The following ANGPT2 variants were observed in gnomAD, a reference collection of about 807,000 sequenced individuals.
The protein encoded by ANGPT2 is angiopoietin 2, also known as angiopoietin-2.
In ANGPT2, 28 loss-of-function variants were observed where a neutral mutation model predicts 62.9. The ratio of observed to expected loss-of-function variants is 0.44; its 90% CI spans 0.33 to 0.61. ANGPT2 has a LOEUF of 0.61. Among genes scored for constraint, ANGPT2 ranks in the 20% least tolerant of loss-of-function variants. The pLI is 0.03. For synonymous variants in ANGPT2, 284 were observed against 207.8 expected (o/e 1.37, Z -3.15); for missense variants, 727 against 594.9 (o/e 1.22, Z -2.31).
At chr8:6,547,650 C>G (rs1374436446) in intron 1 of ANGPT2, among the ~76,000 whole-genome samples, 1 of 152,018 alleles carries the variant, frequency 6.6e-6, no homozygotes. Context: ...CAGTGAGTGC[C>G]TTTGAGTGAC....
chr8:6,535,941 C>G (rs780709820), intron 1 of ANGPT2, among the ~76,000 whole-genome samples: 1 of 151,702 alleles, frequency 6.6e-6, no homozygotes, highest in Non-Finnish European at 1.5e-5. Context: ...CCTGTAGTCT[C>G]AGGTACTGGG....
chr8:6,514,549 G>A (rs1201449809), intron 6 of ANGPT2, 128 bp downstream of exon 6: 22 of 795,036 alleles, frequency 2.8e-5, no homozygotes, highest in Non-Finnish European at 4.6e-5. Flanking sequence ...GGAGACTGAA[G>A]CACCAATTTT....
At chr8:6,523,250 G>C (rs1395588655) in intron 3 of ANGPT2, among the ~76,000 whole-genome samples, 1 of 152,204 alleles carries the variant, frequency 6.6e-6, no homozygotes, top group South Asian at 2.1e-4. Flanking sequence ...GCCCGCCCCT[G>C]CCTCCCAAAG....
chr8:6,541,382 A>G (rs969467340), intron 1 of ANGPT2, among the ~76,000 whole-genome samples: 10 of 152,188 alleles, frequency 6.6e-5, no homozygotes, highest in African/African-American at 2.4e-5. Flanking sequence ...GCTTGTATTT[A>G]TAGCCCCCAG....
intron 8 of ANGPT2, 98 bp downstream of exon 8, chr8:6,508,834 T>C (rs1423522421): frequency 6.6e-7 from 1 of 1,525,586 alleles, no homozygotes; most frequent in Admixed American, 1.7e-5. Flanking sequence ...ATTGTGGACA[T>C]CGTTACAAAT....
chr8:6,504,145 C>G (rs199794373), intron 8 of ANGPT2, among the ~76,000 whole-genome samples: 1 of 151,784 alleles, frequency 6.6e-6, no homozygotes, highest in Non-Finnish European at 1.5e-5. Context: ...GGTGAAACCC[C>G]GTCTCTACTA....
At chr8:6,546,203 AC>A (rs1297052351) in intron 1 of ANGPT2, among the ~76,000 whole-genome samples, 1 of 152,224 alleles carries the variant, frequency 6.6e-6, no homozygotes, top group Non-Finnish European at 1.5e-5. Flanking sequence ...GTGCCAAGGC[AC>A]CCTGGGTCCT....
At chr8:6,552,417 T>C (rs998895932) in intron 1 of ANGPT2, among the ~76,000 whole-genome samples, 1 of 152,218 alleles carries the variant, frequency 6.6e-6, no homozygotes, top group Non-Finnish European at 1.5e-5. Context: ...ACACTTACGA[T>C]GGTCCTTTTC....
At chr8:6,508,623 C>G (rs1814279050) in intron 8 of ANGPT2, 2 of 500,144 alleles carry the variant, frequency 4.0e-6, no homozygotes, top group Non-Finnish European at 3.5e-6. Context: ...ATTAAACCAT[C>G]TCTCTAGTAT....
intron 3 of ANGPT2, among the ~76,000 whole-genome samples, chr8:6,525,164 A>G (rs2515458): frequency 0.075 from 11,441 of 152,300 alleles, 516 homozygotes; most frequent in African/African-American, 0.12. Flanking sequence ...CCCATTACAT[A>G]TCTCGCCCAT....
rs545852034 is a variant in ANGPT2 at position 6,501,542 on chromosome 8, T to G, written c.*1559A>C. 1 of 151,672 alleles carries G rather than the reference T, an allele frequency of 6.6e-6. No homozygotes were observed. The highest frequency in any genetic ancestry group is 2.4e-5 in the African/African-American group (1 of 41,284). The allele number at this position is 151,672 out of a possible 1,614,324, so 9.4% of individuals were successfully genotyped here. On this transcript the variant is annotated 3_prime_UTR_variant, in exon 9 of 9. Transcript: ENST00000629816. Reference sequence around the variant, plus strand: ...GAGTATAAAGCTGTGTTCTCAAATTTTCTTTTCTTTCTTTTTTTTTTTTTT... The same window carrying G: ...GAGTATAAAGCTGTGTTCTCAAATTGTCTTTTCTTTCTTTTTTTTTTTTTT...
intron 2 of ANGPT2, among the ~76,000 whole-genome samples, chr8:6,527,927 G>A (rs982482772): frequency 2.9e-5 from 4 of 138,162 alleles, no homozygotes; most frequent in African/African-American, 8.0e-5. Context: ...ATGGAATCTC[G>A]CTCCATTGCC....
intron 2 of ANGPT2, among the ~76,000 whole-genome samples, chr8:6,529,780 ATG>A (rs1250141983): frequency 6.6e-6 from 1 of 151,488 alleles, no homozygotes; most frequent in Admixed American, 6.6e-5. Context: ...AGCCATTTTC[ATG>A]TGTTTAATTG....
At chr8:6,520,109 A>G in intron 4 of ANGPT2, 118 bp from the exon 5 acceptor site, 1 of 1,152,968 alleles carries the variant, frequency 8.7e-7, no homozygotes, top group Non-Finnish European at 1.2e-6. Flanking sequence ...AGTAAGCAAA[A>G]GGCTGTACCA....
chr8:6,512,043 A>C (rs191203491), intron 7 of ANGPT2, among the ~76,000 whole-genome samples: 1 of 151,846 alleles, frequency 6.6e-6, no homozygotes, highest in Admixed American at 6.6e-5. Flanking sequence ...TCAAGTTGGA[A>C]CTGCTGTGAG....
At chr8:6,505,311 CATATATATGTTATATACATATAGAAAGA>C (rs1813218245) in intron 8 of ANGPT2, among the ~76,000 whole-genome samples, 1 of 39,260 alleles carries the variant, frequency 2.5e-5, no homozygotes, top group African/African-American at 1.5e-4. Flanking sequence ...ATGTATATAA[CATATATATGTTATATACATATAGAAAGA>C]ATATATATAT....
intron 1 of ANGPT2, among the ~76,000 whole-genome samples, chr8:6,542,116 C>A (rs915775716): frequency 1.3e-5 from 2 of 151,702 alleles, no homozygotes; most frequent in Non-Finnish European, 2.9e-5. Flanking sequence ...ATACCAGGAA[C>A]TTCCTTTTTA....
At chr8:6,559,348 A>G (rs555010561) in intron 1 of ANGPT2, among the ~76,000 whole-genome samples, 1 of 152,130 alleles carries the variant, frequency 6.6e-6, no homozygotes, top group African/African-American at 2.4e-5. Flanking sequence ...GACGGCAGCT[A>G]TGTTTGAAGA....
Position 6,541,607 on chromosome 8 carries a change from T to C in ANGPT2, c.289-9120A>G, listed in dbSNP as rs371826637. Among the ~76,000 whole-genome samples, 301 of 152,364 alleles carry C rather than the reference T, an allele frequency of 2.0e-3. 1 individual carries two copies. Among genetic ancestry groups the C allele is most frequent in the African/African-American group, 6.6e-3 (273 of 41,572 alleles). ...ATTCTGCAGACTTCTGCCATTCGTC[T>C]ATTTTTTGGGATACTTTGTTAAATT... On this transcript the variant is annotated intron_variant, in intron 1 of 8. Coordinates refer to ENST00000629816, the MANE Select transcript of ANGPT2 (RefSeq NM_001118887.2).
Sources: allele counts gnomAD v4.1 joint callset (sites outside exome capture counted in the v4.1 genomes callset), GRCh38; gene constraint gnomAD v4.1.1; transcripts MANE v1.5; gene names NCBI Gene and HGNC (gene_info 2026-07-23, HGNC 2026-07-21).